The following IGDCC3 variants were observed in gnomAD, a reference collection of about 807,000 sequenced individuals.
The protein encoded by IGDCC3 is immunoglobulin superfamily DCC subclass member 3.
IGDCC3 carries 47 observed loss-of-function variants against 72.0 expected under a neutral mutation model. The observed-to-expected ratio is 0.65, with a 90% CI of 0.52 to 0.83. The LOEUF (loss-of-function observed/expected upper bound fraction) is 0.83. Among genes scored for constraint, IGDCC3 ranks in the 40% least tolerant of loss-of-function variants. The pLI, the probability that IGDCC3 is intolerant of heterozygous loss-of-function variation, is 0.00. For missense variants in IGDCC3, 1,038 were observed against 1,091.3 expected (o/e 0.95, Z 0.69); for synonymous variants, 477 against 472.8 (o/e 1.01, Z -0.11).
At chr15:65,348,538 G>C (rs1221346871) in intron 2 of IGDCC3, among the ~76,000 whole-genome samples, 1 of 152,222 alleles carries the variant, frequency 6.6e-6, no homozygotes, top group Admixed American at 6.5e-5. Context: ...GTGCTGACTG[G>C]AAGACTTTGG....
At position 65,377,576 on chromosome 15, in the gene IGDCC3, C is replaced by T. The variant is rs2091366737; in HGVS notation, c.103+110G>A. The T allele has an allele frequency of 4.4e-6, 5 of 1,132,950 alleles. No individual in the cohort carries two copies. Among genetic ancestry groups the T allele is most frequent in the Non-Finnish European group, 4.5e-6 (4 of 891,154 alleles). The allele number at this position is 1,132,950 out of a possible 1,614,324, so 70.2% of individuals were successfully genotyped here. On this transcript the variant is annotated intron_variant, in intron 1 of 13. Transcript: ENST00000327987. The surrounding 1 kb of genome is among the most constrained non-coding windows in gnomAD (Gnocchi z 4.9). ...GGGTCCCCCCCGCGCGGGGTCCGCC[C>T]TCAGGTCCGCGCCGCTCTCCCCGGG...
intron 2 of IGDCC3, among the ~76,000 whole-genome samples, chr15:65,342,524 C>A (rs2091091081): frequency 6.6e-6 from 1 of 152,200 alleles, no homozygotes; most frequent in Admixed American, 6.5e-5. Context: ...GAACTTCAGT[C>A]ATCACAGAGA....
intron 2 of IGDCC3, among the ~76,000 whole-genome samples, chr15:65,370,649 A>T (rs1344563038): frequency 1.3e-4 from 16 of 120,706 alleles, no homozygotes; most frequent in South Asian, 5.1e-4. Context: ...TATATATATA[A>T]AATTAGTACC....
chr15:65,369,775 C>T (rs140697871), intron 2 of IGDCC3, among the ~76,000 whole-genome samples: 18 of 152,068 alleles, frequency 1.2e-4, no homozygotes, highest in Non-Finnish European at 2.6e-4. Flanking sequence ...CAGGAACTAC[C>T]TCCCTCCATG....
chr15:65,328,457 G>C lies in IGDCC3; in HGVS notation c.*452C>G, dbSNP rs1392977448. The C allele has an allele frequency of 6.5e-6, 1 of 153,492 alleles. No individual in the cohort carries two copies. The highest frequency in any genetic ancestry group is 1.9e-4 in the East Asian group (1 of 5,226). 9.5% of individuals were successfully genotyped at this position (153,492 alleles called of 1,614,324 possible). A position where few individuals can be genotyped will look rare whatever the true frequency, so the allele number is the denominator to read the frequency against. On this transcript the variant is annotated 3_prime_UTR_variant, in exon 14 of 14. Transcript: ENST00000327987. Reference sequence around the variant, plus strand: ...CAGGACATTCATTCCGGCTGAGGTAGGTGCTGAGAGCCAAAACAGCAAAAA... The same window carrying C: ...CAGGACATTCATTCCGGCTGAGGTACGTGCTGAGAGCCAAAACAGCAAAAA...
chr15:65,338,495 C>T (rs1182991629), intron 2 of IGDCC3, among the ~76,000 whole-genome samples: 1 of 152,158 alleles, frequency 6.6e-6, no homozygotes, highest in Non-Finnish European at 1.5e-5. Flanking sequence ...CTTCTTCTCA[C>T]GGTGTGGAGG....
At chr15:65,344,287 G>A (rs2091107261) in intron 2 of IGDCC3, among the ~76,000 whole-genome samples, 1 of 152,098 alleles carries the variant, frequency 6.6e-6, no homozygotes, top group Admixed American at 6.5e-5. Flanking sequence ...TAGTGACCCT[G>A]CTCTGAGAAG....
At chr15:65,363,999 C>T (rs976792699) in intron 2 of IGDCC3, among the ~76,000 whole-genome samples, 5 of 152,300 alleles carry the variant, frequency 3.3e-5, no homozygotes, top group South Asian at 2.1e-4. Flanking sequence ...GATGTCCCAG[C>T]AGCAGCTGGG....
intron 2 of IGDCC3, among the ~76,000 whole-genome samples, chr15:65,367,783 C>T (rs1159320512): frequency 6.6e-6 from 1 of 152,084 alleles, no homozygotes; most frequent in Non-Finnish European, 1.5e-5. Flanking sequence ...AGCTTTCTAG[C>T]CTGGCTACTG....
At chr15:65,370,618 GTGTATATATATA>G (rs1321542183) in intron 2 of IGDCC3, among the ~76,000 whole-genome samples, 5 of 56,874 alleles carry the variant, frequency 8.8e-5, no homozygotes, top group Non-Finnish European at 1.4e-4. Flanking sequence ...ATATATGTAT[GTGTATATATATA>G]TATATATATA....
chr15:65,348,041 G>A (rs2091140760), intron 2 of IGDCC3, among the ~76,000 whole-genome samples: 1 of 152,126 alleles, frequency 6.6e-6, no homozygotes, highest in South Asian at 2.1e-4. Flanking sequence ...ATGGACACGA[G>A]AGTGACCTCT....
chr15:65,348,560 G>C (rs1047895240), intron 2 of IGDCC3, among the ~76,000 whole-genome samples: 1 of 152,260 alleles, frequency 6.6e-6, no homozygotes, highest in South Asian at 2.1e-4. Flanking sequence ...TAAGTGATGC[G>C]GTACCCAGGT....
At chr15:65,343,851 A>G (rs1434886765) in intron 2 of IGDCC3, among the ~76,000 whole-genome samples, 3 of 152,192 alleles carry the variant, frequency 2.0e-5, no homozygotes, top group East Asian at 3.9e-4. Context: ...TGGTGGAGAG[A>G]ACCCTGAATC....
At chr15:65,341,799 G>C (rs1361538172) in intron 2 of IGDCC3, among the ~76,000 whole-genome samples, 1 of 152,014 alleles carries the variant, frequency 6.6e-6, no homozygotes, top group African/African-American at 2.4e-5. Flanking sequence ...TTTGAGACAG[G>C]GTCTTGCTCT....
chr15:65,331,640 T>C lies in IGDCC3; in HGVS notation c.1168A>G (p.Ile390Val), dbSNP rs1469876511. 5 of 1,608,430 alleles carry C rather than the reference T, an allele frequency of 3.1e-6. No homozygotes were observed. The highest frequency in any genetic ancestry group is 4.3e-6 in the Non-Finnish European group (5 of 1,176,228). Residue 390 changes from isoleucine to valine, a missense_variant, in exon 8 of 14, where the codon ATC becomes GTC. Transcript: ENST00000327987. ...NNNSTLTISG[I>V]GPEDEAIYQC... ...TAAATGGCTTCATCCTCAGGACCGA[T>C]TCCAGAAATGGTCAGTGTGCTGCAG...
At chr15:65,335,695 T>A (rs2091022200) in intron 3 of IGDCC3, 117 bp downstream of exon 3, 3 of 1,210,858 alleles carry the variant, frequency 2.5e-6, no homozygotes, top group Non-Finnish European at 1.2e-6. Flanking sequence ...AACACCACTA[T>A]CTCAGGCACC....
At chr15:65,376,266 AAAG>A (rs777810811) in intron 1 of IGDCC3, among the ~76,000 whole-genome samples, 3 of 152,220 alleles carry the variant, frequency 2.0e-5, no homozygotes, top group East Asian at 1.9e-4. Context: ...ATGAGCAGGA[AAAG>A]AAGGAGGCCA....
chr15:65,360,770 C>G (rs1187548530), intron 2 of IGDCC3, among the ~76,000 whole-genome samples: 1 of 152,008 alleles, frequency 6.6e-6, no homozygotes. Flanking sequence ...GCATCTGGGC[C>G]CTTTCTTTCT....
chr15:65,372,176 C>CACG (rs2091329906), intron 2 of IGDCC3, among the ~76,000 whole-genome samples: 1 of 152,198 alleles, frequency 6.6e-6, no homozygotes, highest in South Asian at 2.1e-4. Context: ...CTCAGTGCTT[C>CACG]CTGCGTGCCA....
Sources: allele counts gnomAD v4.1 joint callset (sites outside exome capture counted in the v4.1 genomes callset), GRCh38; gene constraint gnomAD v4.1.1; non-coding constraint Gnocchi (gnomAD v3.1); transcripts MANE v1.5; gene names NCBI Gene and HGNC (gene_info 2026-07-23, HGNC 2026-07-21).